Variants in NTRK2 observed in about 807,000 individuals in gnomAD.
The protein encoded by NTRK2 is BDNF/NT-3 growth factors receptor.
Under a neutral mutation model 94.5 loss-of-function variants are expected in NTRK2, and 13 were observed. That is an observed-to-expected ratio of 0.14 (90% CI 0.09 to 0.22). The LOEUF is 0.22. NTRK2 is among the 10% of genes least tolerant of loss of function. NTRK2 has a pLI of 1.00. For synonymous variants in NTRK2, 372 were observed against 407.4 expected (o/e 0.91, Z 1.05); for missense variants, 639 against 1,071.2 (o/e 0.60, Z 5.63).
chr9:85,019,346 G>A (rs1004752602), intron 17 of NTRK2, among the ~76,000 whole-genome samples: 24 of 152,086 alleles, frequency 1.6e-4, no homozygotes, highest in Admixed American at 1.4e-3. Flanking sequence ...AGAACCTACC[G>A]CCACAGGACT....
intron 12 of NTRK2, among the ~76,000 whole-genome samples, chr9:84,752,602 A>T (rs1234748827): frequency 6.6e-6 from 1 of 152,230 alleles, no homozygotes; most frequent in Non-Finnish European, 1.5e-5. Context: ...TCGTGAATAC[A>T]TAGCTTTTTT....
chr9:84,824,081 G>C (rs2073030158), intron 12 of NTRK2, among the ~76,000 whole-genome samples: 1 of 152,196 alleles, frequency 6.6e-6, no homozygotes, highest in Non-Finnish European at 1.5e-5. Context: ...AGTGGTTTAA[G>C]TTGCCCTTCA....
chr9:84,855,794 G>A (rs1033957950), intron 12 of NTRK2, among the ~76,000 whole-genome samples: 16 of 152,062 alleles, frequency 1.1e-4, no homozygotes, highest in Non-Finnish European at 1.5e-4. Context: ...AAGAGAATTC[G>A]TTGTTCCTTG....
intron 9 of NTRK2, among the ~76,000 whole-genome samples, chr9:84,741,409 C>T (rs1303168966): frequency 1.3e-5 from 2 of 152,144 alleles, no homozygotes; most frequent in African/African-American, 4.8e-5. Flanking sequence ...TAAAATTGTG[C>T]TTTAGATAGC....
At chr9:84,726,960 G>C (rs1025401392) in intron 8 of NTRK2, among the ~76,000 whole-genome samples, 16 of 152,108 alleles carry the variant, frequency 1.1e-4, no homozygotes, top group African/African-American at 3.6e-4. Context: ...TCCCTACTCT[G>C]TCCAGGCTTA....
chr9:84,675,370 G>T (rs1267568493), intron 2 of NTRK2, among the ~76,000 whole-genome samples: 1 of 106,206 alleles, frequency 9.4e-6, no homozygotes, highest in African/African-American at 3.7e-5. Flanking sequence ...TGTTAAGCAA[G>T]TGCATCCAGT....
chr9:84,919,585 C>T (rs912639879), intron 14 of NTRK2, among the ~76,000 whole-genome samples: 3 of 152,246 alleles, frequency 2.0e-5, no homozygotes, highest in South Asian at 4.1e-4. Flanking sequence ...CCCATTTCAC[C>T]GAGTCATTTT....
chr9:84,902,737 G>A (rs12552490), intron 14 of NTRK2, among the ~76,000 whole-genome samples: 1 of 152,098 alleles, frequency 6.6e-6, no homozygotes, highest in Non-Finnish European at 1.5e-5. Context: ...ATGTCTCTAA[G>A]GCTTTCTATG....
At chr9:84,865,148 T>C (rs1455813836) in intron 13 of NTRK2, among the ~76,000 whole-genome samples, 1 of 152,184 alleles carries the variant, frequency 6.6e-6, no homozygotes, top group Non-Finnish European at 1.5e-5. Flanking sequence ...CTTGTCTTTG[T>C]AGTTATTCTT....
chr9:84,789,232 G>C (rs1456729196), intron 12 of NTRK2, among the ~76,000 whole-genome samples: 1 of 152,168 alleles, frequency 6.6e-6, no homozygotes, highest in African/African-American at 2.4e-5. Context: ...CTGTCCTCAG[G>C]TATGGCTGGA....
rs199851423 is a variant in NTRK2 at position 84,752,128 on chromosome 9, T to C, written c.1396+43T>C. ...TATTTAGCTTCTTATGTGGATCATT[T>C]TTGGCTTATGACTAATGCTAATTAC... On this transcript the variant is annotated intron_variant, in intron 12 of 18. Coordinates refer to ENST00000277120, the MANE Select transcript of NTRK2 (RefSeq NM_006180.6). 3 of 1,491,230 alleles carry C rather than the reference T, an allele frequency of 2.0e-6. No individual in the cohort carries two copies. The Admixed American group carries it at 5.0e-5, about 25-fold the overall frequency. The allele number at this position is 1,491,230 out of a possible 1,614,324, so 92.4% of individuals were successfully genotyped here.
intron 12 of NTRK2, among the ~76,000 whole-genome samples, chr9:84,839,638 T>C (rs2074062456): frequency 6.6e-6 from 1 of 152,134 alleles, no homozygotes; most frequent in South Asian, 2.1e-4. Context: ...TGAGCGTTAG[T>C]TTTTATGATG....
chr9:84,694,904 G>A (rs891342090), intron 2 of NTRK2, among the ~76,000 whole-genome samples: 2 of 151,654 alleles, frequency 1.3e-5, no homozygotes, highest in African/African-American at 2.4e-5. Flanking sequence ...TTGGCCGGGC[G>A]CGGTGGCTCA....
intron 12 of NTRK2, among the ~76,000 whole-genome samples, chr9:84,832,526 C>T (rs1196412119): frequency 6.6e-6 from 1 of 152,152 alleles, no homozygotes; most frequent in Non-Finnish European, 1.5e-5. Flanking sequence ...GAGGAGCAAC[C>T]TGGTGGAAGT....
intron 12 of NTRK2, among the ~76,000 whole-genome samples, chr9:84,771,239 T>C (rs1588487254): frequency 6.6e-6 from 1 of 152,284 alleles, no homozygotes; most frequent in South Asian, 2.1e-4. Flanking sequence ...GAGCAGGAGA[T>C]GGAAATTTCT....
At position 85,014,371 on chromosome 9, in the gene NTRK2, G is replaced by A. The variant is rs568212967; in HGVS notation, c.2173-5835G>A. Reference sequence around the variant, plus strand: ...CTGGAAAACGAGTGGTGCATTCCTCGTTAACGTGTGCCAAGGATAGCAAAC... The same window carrying A: ...CTGGAAAACGAGTGGTGCATTCCTCATTAACGTGTGCCAAGGATAGCAAAC... On this transcript the variant is annotated intron_variant, in intron 17 of 18. Coordinates refer to ENST00000277120, the MANE Select transcript of NTRK2 (RefSeq NM_006180.6). 1.0e-3 allele frequency among the ~76,000 whole-genome samples: 159 copies of A among 152,268 alleles called. 1 individual carries two copies. Among genetic ancestry groups the A allele is most frequent in the African/African-American group, 3.7e-3 (152 of 41,526 alleles).
intron 12 of NTRK2, among the ~76,000 whole-genome samples, chr9:84,836,364 C>T (rs1010830419): frequency 1.3e-5 from 2 of 151,566 alleles, no homozygotes; most frequent in African/African-American, 4.9e-5. Context: ...AGTAGCCCTG[C>T]AAGGAACTGA....
intron 14 of NTRK2, among the ~76,000 whole-genome samples, chr9:84,871,557 A>T (rs1022193635): frequency 6.6e-6 from 1 of 152,232 alleles, no homozygotes; most frequent in South Asian, 2.1e-4. Flanking sequence ...CTTTAAAAAC[A>T]AAACAATAAA....
intron 17 of NTRK2, among the ~76,000 whole-genome samples, chr9:84,963,703 C>A (rs114423573): frequency 1.6e-3 from 250 of 152,306 alleles, no homozygotes; most frequent in African/African-American, 5.7e-3. Context: ...TTCCCACCAA[C>A]CCCCTATGGA....
Sources: allele counts gnomAD v4.1 joint callset (sites outside exome capture counted in the v4.1 genomes callset), GRCh38; gene constraint gnomAD v4.1.1; transcripts MANE v1.5; gene names NCBI Gene and HGNC (gene_info 2026-07-23, HGNC 2026-07-21).